Variants in SPIB observed in about 807,000 individuals in gnomAD.
The protein encoded by SPIB is Spi-B transcription factor.
A neutral mutation model predicts 31.9 loss-of-function variants in SPIB; 7 were observed. The observed-to-expected ratio is 0.22, with a 90% confidence interval of 0.12 to 0.41. The LOEUF (loss-of-function observed/expected upper bound fraction) is 0.41. Ranked by LOEUF, SPIB falls within the 10% of genes least tolerant of loss-of-function variation. The pLI is 1.00. For missense variants in SPIB, 327 were observed against 360.2 expected (o/e 0.91, Z 0.75); for synonymous variants, 176 against 158.9 (o/e 1.11, Z -0.81).
intron 3 of SPIB, 53 bp downstream of exon 3, chr19:50,422,598 A>T (rs1034983323): frequency 1.2e-5 from 19 of 1,580,980 alleles, no homozygotes; most frequent in Non-Finnish European, 1.6e-5. Flanking sequence ...TTTCACAGAT[A>T]GGGGAGCTGA....
At position 50,428,331 on chromosome 19, in the gene SPIB, G is replaced by T. The variant is rs374064767; in HGVS notation, c.784G>T (p.Ala262Ser). 6 of 1,544,092 alleles carry T rather than the reference G, an allele frequency of 3.9e-6. No homozygotes were observed. The African/African-American group carries it at 4.1e-5, about 11-fold the overall frequency. ...DSALLPAVRR[A>S] ...CGCGCTGCTGCCTGCAGTCCGCCGG[G>T]CCTGAGCACACCCGAGGCTCCCACC... The change falls in exon 6 of 6, where the codon GCC becomes TCC. Residue 262 changes from alanine to serine, a missense_variant. Physicochemically the swap from Ala to Ser is moderately conservative, Grantham distance 99. Coordinates refer to ENST00000595883, the MANE Select transcript of SPIB (RefSeq NM_003121.5). This position sits in a 1 kb window ranked among gnomAD's most constrained non-coding sequence, Gnocchi z 6.5.
chr19:50,427,858 GC>G (rs1198149448), intron 5 of SPIB, among the ~76,000 whole-genome samples, 179 bp from the exon 6 acceptor site: 8,407 of 54,918 alleles, frequency 0.15, 462 homozygotes, highest in East Asian at 0.37. Flanking sequence ...GGAGTGGCTT[GC>G]CCCCCCCCCC....
intron 5 of SPIB, 82 bp from the exon 6 acceptor site, chr19:50,427,956 T>C (rs1473244348): frequency 7.9e-7 from 1 of 1,262,030 alleles, no homozygotes; most frequent in East Asian, 4.4e-5. Flanking sequence ...GAGGCCGGGG[T>C]GGAAGTCTCG....
rs2039608155 is a variant in SPIB, at chr19:50,429,200, C to T, written c.*864C>T. The T allele has an allele frequency of 6.6e-6, 1 of 152,210 alleles. No individual in the cohort carries two copies. Among genetic ancestry groups the T allele is most frequent in the Non-Finnish European group, 1.5e-5 (1 of 68,066 alleles). 9.4% of individuals were successfully genotyped at this position (152,210 alleles called of 1,614,324 possible). On this transcript the variant is annotated 3_prime_UTR_variant, in exon 6 of 6. Transcript: ENST00000595883. Reference sequence around the variant, plus strand: ...GAGTTCTCATGGGGATCCTACCCTTCCTAGTGCCACTCCCTATGGCCATGC... The same window carrying T: ...GAGTTCTCATGGGGATCCTACCCTTTCTAGTGCCACTCCCTATGGCCATGC...
rs1174363340 is a variant in SPIB at position 50,422,460 on chromosome 19, C to T, written c.52-13C>T. The T allele has an allele frequency of 1.2e-6, 2 of 1,613,402 alleles. No homozygotes were observed. Among genetic ancestry groups the T allele is most frequent in the Middle Eastern group, 1.7e-4 (1 of 6,054 alleles). On this transcript the variant is annotated splice_polypyrimidine_tract_variant and intron_variant, in intron 2 of 5. Coordinates refer to ENST00000595883, the MANE Select transcript of SPIB (RefSeq NM_003121.5). ...CTGGGATGACCCCTCTTCCCTCCTG[C>T]ACCCCGTATCAGTACCCAGATGGCG...
At chr19:50,426,957 C>T (rs1473195440) in intron 5 of SPIB, among the ~76,000 whole-genome samples, 25 of 149,922 alleles carry the variant, frequency 1.7e-4, no homozygotes. Context: ...TAGTAAGACA[C>T]CATCTCTACA....
intron 2 of SPIB, among the ~76,000 whole-genome samples, chr19:50,421,900 C>T (rs2039499947): frequency 6.6e-6 from 1 of 152,188 alleles, no homozygotes; most frequent in Admixed American, 6.5e-5. Context: ...CAGGCGTGCG[C>T]CACCACGCCT....
At chr19:50,425,358 A>G (rs2039552047) in intron 5 of SPIB, among the ~76,000 whole-genome samples, 1 of 152,200 alleles carries the variant, frequency 6.6e-6, no homozygotes. Context: ...TAATTAAGTC[A>G]CCTATTTTAA....
intron 5 of SPIB, among the ~76,000 whole-genome samples, chr19:50,425,537 C>A (rs1406339711): frequency 6.6e-6 from 1 of 151,766 alleles, no homozygotes; most frequent in South Asian, 2.1e-4. Flanking sequence ...AACTCCTGGG[C>A]TCAATCGATC....
At chr19:50,424,660 A>G (rs1206087362) in intron 5 of SPIB, among the ~76,000 whole-genome samples, 1 of 152,292 alleles carries the variant, frequency 6.6e-6, no homozygotes, top group East Asian at 1.9e-4. Context: ...GTGCACCTGT[A>G]GTCCCAGCTA....
At chr19:50,421,997 G>T (rs577772768) in intron 2 of SPIB, among the ~76,000 whole-genome samples, 2 of 152,168 alleles carry the variant, frequency 1.3e-5, no homozygotes. Context: ...TGATCTGCCC[G>T]CCTCGGCCCC....
At position 50,430,578 on chromosome 19, in the gene SPIB, A is replaced by C. The variant is rs952808171; in HGVS notation, c.*2242A>C. ...ACCAACATAGTGAAGCCCCTTCTCT[A>C]CTAAAAATACAAAATTAGCTGGGCG... On this transcript the variant is annotated 3_prime_UTR_variant, in exon 6 of 6. Coordinates refer to ENST00000595883, the MANE Select transcript of SPIB (RefSeq NM_003121.5). 6.6e-6 allele frequency: 1 copy of C among 152,180 alleles called. No individual in the cohort carries two copies. The highest frequency in any genetic ancestry group is 1.5e-5 in the Non-Finnish European group (1 of 68,082). The allele number at this position is 152,180 out of a possible 1,614,324, so 9.4% of individuals were successfully genotyped here.
chr19:50,418,938 G>T lies in SPIB; in HGVS notation c.-25G>T. On this transcript the variant is annotated 5_prime_UTR_variant, in exon 1 of 6. Transcript: ENST00000595883. The surrounding 1 kb of genome is among the most constrained non-coding windows in gnomAD (Gnocchi z 6.0). ...AATAGGGTTGGCGGCTGCAGCGGGC[G>T]GCAAACAGCCCGCCCGGCACCACCA... The T allele has an allele frequency of 1.3e-6, 2 of 1,552,162 alleles. No individual in the cohort carries two copies. Among genetic ancestry groups the T allele is most frequent in the Non-Finnish European group, 8.7e-7 (1 of 1,148,320 alleles).
In SPIB at chr19:50,423,748, C is replaced by G. The variant is rs117090800; in HGVS notation, c.483C>G (p.Ser161=). 2 of 1,607,348 alleles carry G rather than the reference C, an allele frequency of 1.2e-6. No individual in the cohort carries two copies. Among genetic ancestry groups the G allele is most frequent in the Admixed American group, 3.4e-5 (2 of 58,902 alleles). ...ALVAGPEGKG[S]EAGTRKKLRL... ...TGGCTGGCCCCGAGGGGAAGGGATC[C>G]GAGGCAGGTATGCGGGAGTGGCTGG... Residue 161 remains serine, a synonymous_variant, in exon 5 of 6, where the codon TCC becomes TCG. Transcript: ENST00000595883.
At chr19:50,420,593 C>T (rs1050282986) in intron 2 of SPIB, among the ~76,000 whole-genome samples, 2 of 152,180 alleles carry the variant, frequency 1.3e-5, no homozygotes, top group Non-Finnish European at 2.9e-5. Context: ...CTGATATTTT[C>T]CGCCACCAAT....
chr19:50,422,717 G>A, intron 3 of SPIB, 106 bp from the exon 4 acceptor site: 1 of 1,091,278 alleles, frequency 9.2e-7, no homozygotes, highest in Non-Finnish European at 1.4e-6. Flanking sequence ...AAATCCTGGG[G>A]TCAGAGATTT....
chr19:50,419,018 T>TC, intron 1 of SPIB, 33 bp downstream of exon 1: 1 of 1,550,118 alleles, frequency 6.5e-7, no homozygotes, highest in South Asian at 1.2e-5. Context: ...GCACCCGGGG[T>TC]CCCCACCTGC....
In SPIB at chr19:50,428,100, C is replaced by G; in HGVS notation, c.553C>G (p.Arg185Gly). Reference protein sequence around the residue: ...LLGLLTRGDMRECVWWVEPGA... With the variant: ...LLGLLTRGDMGECVWWVEPGA... ...GGGGCTACTGACGCGCGGGGACATG[C>G]GTGAGTGCGTGTGGTGGGTGGAGCC... Residue 185 changes from arginine to glycine, a missense_variant, in exon 6 of 6, where the codon CGT (arginine) becomes GGT (glycine). Around this residue, in one of 4 missense-constraint regions of SPIB, gnomAD observed 54 missense variants for 69.5 expected, o/e 0.78. Transcript: ENST00000595883. This position sits in a 1 kb window ranked among gnomAD's most constrained non-coding sequence, Gnocchi z 6.5. 1.3e-6 allele frequency: 2 copies of G among 1,582,662 alleles called. No homozygotes were observed. Among genetic ancestry groups the G allele is most frequent in the Non-Finnish European group, 1.7e-6 (2 of 1,163,676 alleles).
At position 50,419,985 on chromosome 19, in the gene SPIB, C is replaced by T; in HGVS notation, c.51+12C>T. 6.8e-7 allele frequency: 1 copy of T among 1,467,178 alleles called. No homozygotes were observed. The highest frequency in any genetic ancestry group is 9.0e-7 in the Non-Finnish European group (1 of 1,113,608). 90.9% of individuals were successfully genotyped at this position (1,467,178 alleles called of 1,614,324 possible). On this transcript the variant is annotated intron_variant, in intron 2 of 5. Coordinates refer to ENST00000595883, the MANE Select transcript of SPIB (RefSeq NM_003121.5). Reference sequence around the variant, plus strand: ...ACTTCAGCTGTCTGGTGAGTTGGGGCCCCTGGGGGCCAGGGAGGGGTGGCC... The same window carrying T: ...ACTTCAGCTGTCTGGTGAGTTGGGGTCCCTGGGGGCCAGGGAGGGGTGGCC...
Sources: gnomAD v4.1 joint callset for allele counts (sites outside exome capture counted in the v4.1 genomes callset) on GRCh38, gnomAD v4.1.1 for gene constraint, gnomAD v4.1.1 regional missense constraint, Gnocchi (gnomAD v3.1) non-coding constraint, MANE v1.5 for transcripts, NCBI Gene and HGNC (gene_info 2026-07-23, HGNC 2026-07-21) for gene names.